Variants in RAPGEF6 observed in about 807,000 individuals in gnomAD.
RAPGEF6 encodes PDZ domain containing guanine nucleotide exchange factor (GEF) 2.
A neutral mutation model predicts 171.4 loss-of-function variants in RAPGEF6; 56 were observed. That is an observed-to-expected ratio of 0.33 (90% CI 0.26 to 0.41). RAPGEF6 has a LOEUF of 0.41. RAPGEF6 is among the 10% of genes least tolerant of loss of function. The pLI is 1.00. For missense variants in RAPGEF6, 1,674 were observed against 1,921.4 expected, an observed-to-expected ratio of 0.87 and a Z score of 2.41; for synonymous variants, 692 against 650.1, an observed-to-expected ratio of 1.06 and a Z score of -0.98.
In RAPGEF6 at chr5:131,596,376, C is replaced by CAT. The variant is rs1196465008; in HGVS notation, c.198-3912_198-3911dup. Among the ~76,000 whole-genome samples the CAT allele has an allele frequency of 1.1e-4, 16 of 149,206 alleles. No homozygotes were observed. The East Asian group carries it at 3.1e-3, about 29-fold the overall frequency. Reference sequence around the variant, plus strand: ...CATTATATAATATATATTTGTGTCTCATATATATATTTACAGTATATATTA... The same window carrying CAT: ...CATTATATAATATATATTTGTGTCTCATATATATATATTTACAGTATATATTA... On this transcript the variant is annotated intron_variant, in intron 3 of 27. Coordinates refer to ENST00000509018, the MANE Select transcript of RAPGEF6 (RefSeq NM_016340.6).
chr5:131,563,801 G>C (rs1761756458), intron 4 of RAPGEF6, among the ~76,000 whole-genome samples: 1 of 152,060 alleles, frequency 6.6e-6, no homozygotes, highest in Non-Finnish European at 1.5e-5. Flanking sequence ...CACTGCACCA[G>C]GCCTCACTTG....
At chr5:131,483,763 CA>C (rs1234558866) in intron 15 of RAPGEF6, among the ~76,000 whole-genome samples, 2 of 151,866 alleles carry the variant, frequency 1.3e-5, no homozygotes, top group African/African-American at 4.8e-5. Flanking sequence ...TCAAACAAGT[CA>C]ATAAAAGATG....
intron 5 of RAPGEF6, among the ~76,000 whole-genome samples, chr5:131,555,648 T>C (rs1386211604): frequency 6.6e-6 from 1 of 151,966 alleles, no homozygotes; most frequent in African/African-American, 2.4e-5. Context: ...TACCTATACA[T>C]ATATAATTGC....
At chr5:131,454,651 T>G (rs888152649) in intron 20 of RAPGEF6, among the ~76,000 whole-genome samples, 1 of 152,188 alleles carries the variant, frequency 6.6e-6, no homozygotes, top group African/African-American at 2.4e-5. Flanking sequence ...AAATGAGACA[T>G]AGTTGGAGAG....
intron 1 of RAPGEF6, among the ~76,000 whole-genome samples, chr5:131,620,783 C>T (rs986508489): frequency 6.6e-6 from 1 of 152,020 alleles, no homozygotes; most frequent in Non-Finnish European, 1.5e-5. Flanking sequence ...GTAGAGACAG[C>T]ATTTTGCCAT....
chr5:131,528,319 A>AT (rs1440077677), intron 6 of RAPGEF6, among the ~76,000 whole-genome samples: 66 of 49,778 alleles, frequency 1.3e-3, no homozygotes, highest in Non-Finnish European at 2.5e-3. Flanking sequence ...TATATTATAT[A>AT]TATATATATA....
intron 3 of RAPGEF6, among the ~76,000 whole-genome samples, chr5:131,600,971 A>G (rs1764206410): frequency 6.6e-6 from 1 of 152,084 alleles, no homozygotes; most frequent in Non-Finnish European, 1.5e-5. Flanking sequence ...AATAGAGCAA[A>G]AAGAGCTGGG....
At chr5:131,457,209 T>A (rs888253170) in intron 19 of RAPGEF6, among the ~76,000 whole-genome samples, 1 of 152,164 alleles carries the variant, frequency 6.6e-6, no homozygotes, top group Admixed American at 6.5e-5. Context: ...TTACAGGAAT[T>A]ACAGGTGTGT....
At chr5:131,451,290 CAA>C (rs1232787992) in intron 21 of RAPGEF6, among the ~76,000 whole-genome samples, 4 of 151,964 alleles carry the variant, frequency 2.6e-5, no homozygotes, top group Non-Finnish European at 1.5e-5. Flanking sequence ...CTTGCAAAAA[CAA>C]AGACACCTAG....
intron 4 of RAPGEF6, among the ~76,000 whole-genome samples, chr5:131,590,176 G>A (rs931551512): frequency 1.3e-5 from 2 of 152,216 alleles, no homozygotes; most frequent in African/African-American, 4.8e-5. Flanking sequence ...AAGGCGGGCA[G>A]ATCACTTGAG....
intron 1 of RAPGEF6, among the ~76,000 whole-genome samples, chr5:131,619,330 C>CG (rs934043357): frequency 1.1e-4 from 16 of 151,280 alleles, no homozygotes; most frequent in Admixed American, 2.0e-4. Flanking sequence ...GGCTGGAGGG[C>CG]GGGGGGGCAT....
intron 4 of RAPGEF6, among the ~76,000 whole-genome samples, chr5:131,588,580 T>C (rs2149999422): frequency 6.8e-6 from 1 of 147,112 alleles, no homozygotes; most frequent in South Asian, 2.2e-4. Context: ...TCATCTCTAC[T>C]AAGAATACAA....
Position 131,489,572 on chromosome 5 carries a change from G to T in RAPGEF6, c.1814C>A (p.Ala605Glu). 6.3e-7 allele frequency: 1 copy of T among 1,595,184 alleles called. No homozygotes were observed. The highest frequency in any genetic ancestry group is 1.1e-5 in the South Asian group (1 of 87,060). Reference protein sequence around the residue: ...VEILRNNTHLALTVKTNIFVF... With the variant: ...VEILRNNTHLELTVKTNIFVF... The stretch of plus-strand genomic sequence containing the variant: ...AAAAATGTTGGTCTTCACAGTAAGT[G>T]CAAGATGAGTATTATTCCTCAAAAT... Residue 605 changes from alanine to glutamate, a missense_variant, in exon 15 of 28, where the codon GCA (alanine) becomes GAA (glutamate). Ala to Glu is a moderately radical substitution (Grantham distance 107). Coordinates refer to ENST00000509018, the MANE Select transcript of RAPGEF6 (RefSeq NM_016340.6).
intron 14 of RAPGEF6, among the ~76,000 whole-genome samples, chr5:131,491,285 T>TA (rs1388769963): frequency 6.6e-6 from 1 of 152,116 alleles, no homozygotes; most frequent in Non-Finnish European, 1.5e-5. Flanking sequence ...GTCATAATAA[T>TA]AAAAAATATC....
chr5:131,568,377 T>G (rs1470686370), intron 4 of RAPGEF6, among the ~76,000 whole-genome samples: 1 of 152,090 alleles, frequency 6.6e-6, no homozygotes, highest in East Asian at 1.9e-4. Context: ...TGTTGCTGAG[T>G]TGGAGTGAAG....
At chr5:131,547,076 G>A (rs1760596893) in intron 6 of RAPGEF6, among the ~76,000 whole-genome samples, 1 of 152,150 alleles carries the variant, frequency 6.6e-6, no homozygotes, top group African/African-American at 2.4e-5. Flanking sequence ...TAAATTTTAG[G>A]ACTATTTCAT....
Position 131,510,439 on chromosome 5 carries a change from G to T in RAPGEF6, c.680C>A (p.Pro227His). 1 of 1,614,002 alleles carries T rather than the reference G, an allele frequency of 6.2e-7. No homozygotes were observed. Among genetic ancestry groups the T allele is most frequent in the Non-Finnish European group, 8.5e-7 (1 of 1,179,988 alleles). ...CTCTTCGTCATCCTCAGAATCAACA[G>T]GTCCTTCTGGAAGACGTGTCAAATC... ...DVDLTRLPEG[P>H]VDSEDDEEED... Residue 227 changes from proline to histidine, a missense_variant, in exon 8 of 28, where the codon CCT (proline) becomes CAT (histidine). By Grantham distance (77) the Pro-to-His change is moderately conservative. This residue lies in a region of RAPGEF6 where 1,116 missense variants were observed against 1,321.5 expected (regional missense o/e 0.84). Coordinates refer to ENST00000509018, the MANE Select transcript of RAPGEF6 (RefSeq NM_016340.6).
At chr5:131,584,334 C>T (rs1459578750) in intron 4 of RAPGEF6, among the ~76,000 whole-genome samples, 1 of 152,140 alleles carries the variant, frequency 6.6e-6, no homozygotes, top group Non-Finnish European at 1.5e-5. Flanking sequence ...AAAGTTATAA[C>T]CATAAGAAAA....
chr5:131,435,953 A>T, intron 24 of RAPGEF6: 1 of 1,524,876 alleles, frequency 6.6e-7, no homozygotes, highest in Non-Finnish European at 8.8e-7. Flanking sequence ...GAACTTCATC[A>T]GAGTGTCTTC....
Sources: allele counts gnomAD v4.1 joint callset (sites outside exome capture counted in the v4.1 genomes callset), GRCh38; gene constraint gnomAD v4.1.1; regional missense constraint gnomAD v4.1.1; transcripts MANE v1.5; gene names NCBI Gene and HGNC (gene_info 2026-07-23, HGNC 2026-07-21).